RIN2: variants seen among roughly 807,000 people sequenced by gnomAD.
RIN2 encodes the protein RAB5 interacting protein 2.
A neutral mutation model predicts 78.0 loss-of-function variants in RIN2; 36 were observed. That is an observed-to-expected ratio of 0.46 (90% CI 0.35 to 0.61). The LOEUF (loss-of-function observed/expected upper bound fraction) is 0.61, where lower values mean the gene tolerates loss of function less well. Among genes scored for constraint, RIN2 ranks in the 20% least tolerant of loss-of-function variants. The probability of loss-of-function intolerance (pLI) is 0.00; values close to 1 mark genes in which losing one functional copy is unlikely to be tolerated. For missense variants in RIN2, 1,087 were observed against 1,159.7 expected (o/e 0.94, Z 0.91); for synonymous variants, 466 against 466.8 (o/e 1.00, Z 0.02).
At chr20:19,857,605 T>A (rs2037207310) in intron 2 of RIN2, among the ~76,000 whole-genome samples, 2 of 152,156 alleles carry the variant, frequency 1.3e-5, no homozygotes, top group Non-Finnish European at 1.5e-5. Flanking sequence ...CATATGAGAG[T>A]TCCAGTTGCT....
In RIN2 at chr20:19,965,019, C is replaced by A; in HGVS notation, c.531C>A (p.Ile177=). Residue 177 remains isoleucine, a synonymous_variant, in exon 7 of 13, where the codon ATC becomes ATA. Transcript: ENST00000255006. ...TCCGGCTCATTGCTTTCTACTGCAT[C>A]AGCAGGTAAGGCCTCTTCCTCTCAT... The part of the protein sequence containing the change: ...DLFRLIAFYC[I]SRDVLPFTLK... 6.2e-7 allele frequency: 1 copy of A among 1,612,258 alleles called. No individual in the cohort carries two copies. Among genetic ancestry groups the A allele is most frequent in the Non-Finnish European group, 8.5e-7 (1 of 1,178,996 alleles).
chr20:19,884,566 AT>A (rs200209571), intron 2 of RIN2, among the ~76,000 whole-genome samples: 21 of 151,928 alleles, frequency 1.4e-4, no homozygotes, highest in African/African-American at 4.6e-4. Flanking sequence ...CAAACTTAAA[AT>A]TTTTTTTTAA....
chr20:19,963,015 TAAAC>T (rs2041816548), intron 6 of RIN2, among the ~76,000 whole-genome samples: 1 of 152,200 alleles, frequency 6.6e-6, no homozygotes, highest in African/African-American at 2.4e-5. Context: ...AGCTTAATAA[TAAAC>T]AACACCTCAT....
chr20:19,913,874 A>C (rs2039575800), intron 3 of RIN2, among the ~76,000 whole-genome samples: 1 of 152,214 alleles, frequency 6.6e-6, no homozygotes, highest in Non-Finnish European at 1.5e-5. Context: ...TGTGGGAAAT[A>C]ATGCTGCTAT....
At position 19,813,510 on chromosome 20, in the gene RIN2, C is replaced by T. The variant is rs534904027; in HGVS notation, c.-37+13763C>T. On this transcript the variant is annotated intron_variant, in intron 2 of 12. Transcript: ENST00000255006. ...TACTTTCTCCTAAGAGGCTTCCATTCGAGTGGGAGAAATAGATTATAACAA... is the reference window on the plus strand; with the variant it reads ...TACTTTCTCCTAAGAGGCTTCCATTTGAGTGGGAGAAATAGATTATAACAA... 6.6e-5 allele frequency among the ~76,000 whole-genome samples: 10 copies of T among 152,230 alleles called. No homozygotes were observed. The East Asian group carries it at 9.6e-4, about 15-fold the overall frequency.
intron 10 of RIN2, 102 bp downstream of exon 10, chr20:19,990,413 G>T: frequency 1.7e-6 from 2 of 1,165,228 alleles, no homozygotes; most frequent in Non-Finnish European, 2.4e-6. Context: ...TCCTCCCTTT[G>T]GTCTCTTGAT....
chr20:19,905,686 TGCA>T (rs2039188557), intron 3 of RIN2, among the ~76,000 whole-genome samples: 1 of 152,196 alleles, frequency 6.6e-6, no homozygotes, highest in African/African-American at 2.4e-5. Context: ...AGTTCAAGGC[TGCA>T]GCCACTGCAC....
At chr20:19,886,612 C>CTTTTTTTTTTT (rs11362637) in intron 2 of RIN2, 69 of 520,962 alleles carry the variant, frequency 1.3e-4, no homozygotes, top group South Asian at 4.1e-4. Context: ...TCTTCTTCTT[C>CTTTTTTTTTTT]TTTTTTTTTT....
intron 1 of RIN2, 143 bp from the exon 2 acceptor site, chr20:19,799,479 A>T (rs1283972719): frequency 6.6e-6 from 1 of 152,190 alleles, no homozygotes; most frequent in Non-Finnish European, 1.5e-5. Context: ...AGGACCAGGA[A>T]TGGGAAGGAA....
intron 11 of RIN2, among the ~76,000 whole-genome samples, chr20:19,995,260 TTA>T (rs1568723596): frequency 8.4e-6 from 1 of 118,502 alleles, no homozygotes; most frequent in African/African-American, 4.7e-5. Flanking sequence ...TGTTTTTTTT[TTA>T]AAAAAAAAAA....
At chr20:19,818,476 G>T (rs913119528) in intron 2 of RIN2, among the ~76,000 whole-genome samples, 2 of 152,226 alleles carry the variant, frequency 1.3e-5, no homozygotes, top group Non-Finnish European at 1.5e-5. Flanking sequence ...AAATAGATGG[G>T]CATGCCCAGC....
chr20:19,760,558 A>C (rs1205503704), intron 1 of RIN2, among the ~76,000 whole-genome samples: 1 of 152,186 alleles, frequency 6.6e-6, no homozygotes, highest in Admixed American at 6.5e-5. Context: ...TACCCACTTC[A>C]GGACTTCCAC....
intron 1 of RIN2, among the ~76,000 whole-genome samples, chr20:19,770,919 G>A (rs897807656): frequency 3.0e-5 from 4 of 131,826 alleles, no homozygotes; most frequent in African/African-American, 8.1e-5. Flanking sequence ...CCCGGCCTCC[G>A]GATCTGCTGA....
chr20:19,998,408 G>T (rs980095930), intron 12 of RIN2, among the ~76,000 whole-genome samples: 28 of 152,068 alleles, frequency 1.8e-4, no homozygotes, highest in African/African-American at 6.3e-4. Context: ...ACCAGCCTTG[G>T]CAACAAAGTG....
chr20:19,917,167 A>T (rs1052063290), intron 3 of RIN2, among the ~76,000 whole-genome samples: 18 of 151,668 alleles, frequency 1.2e-4, no homozygotes, highest in Non-Finnish European at 2.1e-4. Flanking sequence ...GCAAAGCCCC[A>T]GCTTCAGGGA....
chr20:19,975,101 C>T lies in RIN2; in HGVS notation c.1076C>T (p.Pro359Leu). ...ACGAAACCAACTCCCATCCCTCCAC[C>T]CCGGCTGAAGAAGCAGGCTTCTTTT... ...PGTKPTPIPP[P>L]RLKKQASFLE... The change falls in exon 9 of 13, where the codon CCC becomes CTC. Residue 359 changes from proline to leucine, a missense_variant. Physicochemically the swap from Pro to Leu is moderately conservative, Grantham distance 98. Transcript: ENST00000255006. The surrounding 1 kb of genome is among the most constrained non-coding windows in gnomAD (Gnocchi z 4.9). The T allele has an allele frequency of 6.2e-7, 1 of 1,613,502 alleles. No homozygotes were observed. The highest frequency in any genetic ancestry group is 8.5e-7 in the Non-Finnish European group (1 of 1,179,888).
At chr20:19,952,328 G>A (rs965002226) in intron 4 of RIN2, among the ~76,000 whole-genome samples, 1 of 152,170 alleles carries the variant, frequency 6.6e-6, no homozygotes, top group Non-Finnish European at 1.5e-5. Context: ...GATGGGGCAT[G>A]GGTGCCTGCC....
chr20:19,922,831 T>C (rs1472735531), intron 3 of RIN2, among the ~76,000 whole-genome samples: 2 of 152,144 alleles, frequency 1.3e-5, no homozygotes, highest in Non-Finnish European at 2.9e-5. Context: ...CCCCACCCCA[T>C]ACTGCAGCAT....
At chr20:19,935,308 T>A in intron 4 of RIN2, 109 bp downstream of exon 4, 1 of 1,246,186 alleles carries the variant, frequency 8.0e-7, no homozygotes, top group South Asian at 1.6e-5. Flanking sequence ...GAGCTGGGAG[T>A]GTGGTAGCAG....
Sources: gnomAD v4.1 joint callset for allele counts (sites outside exome capture counted in the v4.1 genomes callset) on GRCh38, gnomAD v4.1.1 for gene constraint, Gnocchi (gnomAD v3.1) non-coding constraint, MANE v1.5 for transcripts, NCBI Gene and HGNC (gene_info 2026-07-23, HGNC 2026-07-21) for gene names.